ATP8A2: variants seen among roughly 807,000 people sequenced by gnomAD.
ATP8A2 encodes the protein phospholipid-transporting ATPase IB.
Under a neutral mutation model 165.6 loss-of-function variants are expected in ATP8A2, and 100 were observed. The ratio of observed to expected loss-of-function variants is 0.60; its 90% CI spans 0.51 to 0.71. The LOEUF is 0.71. Among genes scored for constraint, ATP8A2 ranks in the 30% least tolerant of loss-of-function variants. The pLI, the probability that ATP8A2 is intolerant of heterozygous loss-of-function variation, is 0.00. For synonymous variants in ATP8A2, 543 were observed against 548.8 expected (o/e 0.99, Z 0.15); for missense variants, 1,227 against 1,479.5 (o/e 0.83, Z 2.80).
At chr13:25,531,398 TTATATATATGATTATATATATGATA>T (rs567831776) in intron 4 of ATP8A2, among the ~76,000 whole-genome samples, 64 of 87,294 alleles carry the variant, frequency 7.3e-4, no homozygotes, top group African/African-American at 1.9e-3. Flanking sequence ...ATATATATGA[TTATATATATGATTATATATATGATA>T]TATATATGAT....
At chr13:25,810,469 GC>G (rs1950841018) in intron 27 of ATP8A2, among the ~76,000 whole-genome samples, 1 of 150,576 alleles carries the variant, frequency 6.6e-6, no homozygotes, top group Admixed American at 6.6e-5. Flanking sequence ...CTGTTATTGG[GC>G]CCAGCCCCAA....
At chr13:25,759,210 G>A (rs2044328428) in intron 25 of ATP8A2, among the ~76,000 whole-genome samples, 1 of 152,192 alleles carries the variant, frequency 6.6e-6, no homozygotes, top group Non-Finnish European at 1.5e-5. Flanking sequence ...CAGAGTGCAG[G>A]AAGTTACAGT....
intron 33 of ATP8A2, among the ~76,000 whole-genome samples, chr13:25,878,906 T>G (rs1285948693): frequency 6.6e-6 from 1 of 152,130 alleles, no homozygotes; most frequent in Non-Finnish European, 1.5e-5. Context: ...ATCCCTCACA[T>G]CCAGAGCAGG....
intron 24 of ATP8A2, among the ~76,000 whole-genome samples, chr13:25,608,023 G>T (rs2040562793): frequency 6.6e-6 from 1 of 152,190 alleles, no homozygotes; most frequent in East Asian, 1.9e-4. Flanking sequence ...CTCAGAGTAG[G>T]ACAAAGGAGA....
intron 35 of ATP8A2, among the ~76,000 whole-genome samples, chr13:25,977,669 G>T (rs17082919): frequency 6.6e-6 from 1 of 152,144 alleles, no homozygotes; most frequent in Non-Finnish European, 1.5e-5. Flanking sequence ...CTTATGGACC[G>T]ATGTTTAATA....
chr13:25,792,894 G>A (rs542807117), intron 27 of ATP8A2, among the ~76,000 whole-genome samples: 5 of 150,018 alleles, frequency 3.3e-5, no homozygotes, highest in South Asian at 4.2e-4. Flanking sequence ...ACAACAATGA[G>A]ACCCTGTCTC....
intron 1 of ATP8A2, among the ~76,000 whole-genome samples, chr13:25,410,132 A>G (rs1002233055): frequency 6.6e-6 from 1 of 151,626 alleles, no homozygotes; most frequent in African/African-American, 2.4e-5. Flanking sequence ...TTGGTTTACC[A>G]CATAAACCCC....
At chr13:25,773,990 T>C (rs1047483882) in intron 26 of ATP8A2, among the ~76,000 whole-genome samples, 8 of 152,244 alleles carry the variant, frequency 5.3e-5, no homozygotes, top group African/African-American at 1.9e-4. Flanking sequence ...CAAGACTGTA[T>C]TGTGTGAGTG....
chr13:25,546,851 C>T (rs775361452), intron 10 of ATP8A2, among the ~76,000 whole-genome samples: 5 of 152,112 alleles, frequency 3.3e-5, no homozygotes, highest in South Asian at 4.1e-4. Context: ...GCAGTCTGGC[C>T]GGGGGCAGTG....
intron 35 of ATP8A2, among the ~76,000 whole-genome samples, chr13:26,008,581 G>A (rs1956787670): frequency 6.6e-6 from 1 of 152,176 alleles, no homozygotes; most frequent in South Asian, 2.1e-4. Flanking sequence ...AAACATTCAA[G>A]CTGTTGTAGC....
intron 2 of ATP8A2, among the ~76,000 whole-genome samples, chr13:25,496,908 G>A (rs935383385): frequency 3.3e-5 from 5 of 152,148 alleles, no homozygotes; most frequent in African/African-American, 9.7e-5. Flanking sequence ...TGTGTGGGTT[G>A]ATGTGTTAAT....
At chr13:25,841,304 A>G (rs771492636) in intron 30 of ATP8A2, among the ~76,000 whole-genome samples, 10 of 152,218 alleles carry the variant, frequency 6.6e-5, no homozygotes, top group Admixed American at 3.3e-4. Context: ...AATTCCTCCA[A>G]ATTTGGCAAA....
intron 27 of ATP8A2, among the ~76,000 whole-genome samples, chr13:25,796,238 C>T (rs772193107): frequency 3.3e-5 from 5 of 152,090 alleles, no homozygotes; most frequent in Admixed American, 1.3e-4. Flanking sequence ...CACGAGCCAC[C>T]GCGCCCGGCC....
chr13:25,985,869 G>A (rs1457677462), intron 35 of ATP8A2, among the ~76,000 whole-genome samples: 3 of 152,228 alleles, frequency 2.0e-5, no homozygotes, highest in African/African-American at 7.2e-5. Context: ...TAGGAAGATT[G>A]GGGTGGGGGT....
intron 2 of ATP8A2, among the ~76,000 whole-genome samples, chr13:25,470,561 AG>A (rs903397422): frequency 1.3e-5 from 2 of 152,238 alleles, no homozygotes; most frequent in Non-Finnish European, 2.9e-5. Context: ...GTTCTTCAAA[AG>A]GTTCAATGTA....
chr13:25,570,961 C>G (rs369492363), intron 17 of ATP8A2, 89 bp downstream of exon 17: 1 of 921,350 alleles, frequency 1.1e-6, no homozygotes, highest in East Asian at 2.6e-5. Context: ...CCATGTAGTC[C>G]GTCCCACAGA....
intron 2 of ATP8A2, among the ~76,000 whole-genome samples, chr13:25,505,974 G>C (rs1284547965): frequency 6.6e-6 from 1 of 151,648 alleles, no homozygotes; most frequent in Non-Finnish European, 1.5e-5. Flanking sequence ...TAGAGGTGTG[G>C]AAAGGTCAAG....
At chr13:25,923,193 G>A (rs1954509927) in intron 33 of ATP8A2, among the ~76,000 whole-genome samples, 2 of 152,276 alleles carry the variant, frequency 1.3e-5, no homozygotes, top group South Asian at 2.1e-4. Flanking sequence ...TACCAGTCAA[G>A]TTTCCCCTTC....
At chr13:25,590,204 C>T (rs938175136) in intron 24 of ATP8A2, among the ~76,000 whole-genome samples, 2 of 152,182 alleles carry the variant, frequency 1.3e-5, no homozygotes, top group East Asian at 3.9e-4. Context: ...GCAGAAGGAT[C>T]GCTTTAACCA....
Sources: gnomAD v4.1 joint callset for allele counts (sites outside exome capture counted in the v4.1 genomes callset) on GRCh38, gnomAD v4.1.1 for gene constraint, MANE v1.5 for transcripts, NCBI Gene and HGNC (gene_info 2026-07-23, HGNC 2026-07-21) for gene names.